Variants in KIRREL3 observed in about 807,000 individuals in gnomAD.
The protein encoded by KIRREL3 is kin of IRRE-like protein 3.
KIRREL3 carries 36 observed loss-of-function variants against 89.7 expected under a neutral mutation model. That is an observed-to-expected ratio of 0.40 (90% confidence interval 0.31 to 0.53). The LOEUF (loss-of-function observed/expected upper bound fraction) is 0.53. Among genes scored for constraint, KIRREL3 ranks in the 20% least tolerant of loss-of-function variants. KIRREL3 has a pLI of 0.49. For synonymous variants in KIRREL3, 445 were observed against 441.4 expected (o/e 1.01, Z -0.10); for missense variants, 864 against 1,056.6 (o/e 0.82, Z 2.53).
intron 1 of KIRREL3, among the ~76,000 whole-genome samples, chr11:126,809,886 C>T (rs1262567209): frequency 6.6e-6 from 1 of 152,216 alleles, no homozygotes; most frequent in African/African-American, 2.4e-5. Context: ...TTCTCACATC[C>T]AGTTAACTTG....
intron 1 of KIRREL3, among the ~76,000 whole-genome samples, chr11:126,730,848 C>T (rs1044663400): frequency 3.3e-5 from 5 of 152,162 alleles, no homozygotes; most frequent in African/African-American, 1.2e-4. Context: ...ACGCCATTCT[C>T]CTGCCTCAGC....
In KIRREL3 at chr11:126,442,271, AAC is replaced by A. The variant is rs1555104889; in HGVS notation, c.1253-1724_1253-1723del. On this transcript the variant is annotated intron_variant, in intron 10 of 16. Transcript: ENST00000525144. ...GCGAGACTCCAGCTCAAAAAAAAAAAACAAAAAAAAAACAAAAAACCCAACAT... is the reference window on the plus strand; with the variant it reads ...GCGAGACTCCAGCTCAAAAAAAAAAAAAAAAAAAAACAAAAAACCCAACAT... 6.8e-4 allele frequency among the ~76,000 whole-genome samples: 69 copies of A among 100,990 alleles called. 1 individual carries two copies. Among genetic ancestry groups the A allele is most frequent in the East Asian group, 2.0e-3 (8 of 3,952 alleles). The allele number at this position is 100,990 out of a possible 152,430, so 66.3% of individuals were successfully genotyped here. A position where few individuals can be genotyped will look rare whatever the true frequency, so the allele number is the denominator to read the frequency against.
chr11:127,000,345 G>T lies in KIRREL3; in HGVS notation c.55+110C>A. On this transcript the variant is annotated intron_variant, in intron 1 of 16. Transcript: ENST00000525144. This position sits in a 1 kb window ranked among gnomAD's most constrained non-coding sequence, Gnocchi z 7.1. The stretch of plus-strand genomic sequence containing the variant: ...GCATCTCAGCCCGGCACCGAGAGAC[G>T]CATCCATCAGTCCGAGTTCCCGAAG... 1 of 788,244 alleles carries T rather than the reference G, an allele frequency of 1.3e-6. No individual in the cohort carries two copies. The highest frequency in any genetic ancestry group is 2.0e-6 in the Non-Finnish European group (1 of 492,754). The allele number at this position is 788,244 out of a possible 1,614,324, so 48.8% of individuals were successfully genotyped here. A position where few individuals can be genotyped will look rare whatever the true frequency, so the allele number is the denominator to read the frequency against.
rs1957665083 is a variant in KIRREL3 at position 126,496,686 on chromosome 11, TC to T, written c.434-23221del. Among the ~76,000 whole-genome samples, 1 of 151,968 alleles carries T rather than the reference TC, an allele frequency of 6.6e-6. No individual in the cohort carries two copies. On this transcript the variant is annotated intron_variant, in intron 4 of 16. Transcript: ENST00000525144. This position sits in a 1 kb window ranked among gnomAD's most constrained non-coding sequence, Gnocchi z 4.9. ...AAGAGACTGAGGGCTACTCTTGGCT[TC>T]TTGTATCTGCCAAAACCCAAACAGA...
At chr11:126,445,762 C>A (rs1471336032) in intron 9 of KIRREL3, among the ~76,000 whole-genome samples, 1 of 152,182 alleles carries the variant, frequency 6.6e-6, no homozygotes, top group Admixed American at 6.5e-5. Flanking sequence ...CCTTCTGGTC[C>A]CCCTGCTTCC....
At chr11:126,512,055 T>C (rs1335398128) in intron 4 of KIRREL3, among the ~76,000 whole-genome samples, 1 of 152,166 alleles carries the variant, frequency 6.6e-6, no homozygotes, top group African/African-American at 2.4e-5. Context: ...CCTCCCTCAG[T>C]TGGCTCTGGC....
At position 126,946,571 on chromosome 11, in the gene KIRREL3, T is replaced by C. The variant is rs191797024; in HGVS notation, c.55+53884A>G. 2.2e-4 allele frequency among the ~76,000 whole-genome samples: 34 copies of C among 152,348 alleles called. No homozygotes were observed. Among genetic ancestry groups the C allele is most frequent in the Non-Finnish European group, 1.5e-5 (1 of 68,044 alleles). On this transcript the variant is annotated intron_variant, in intron 1 of 16. Coordinates refer to ENST00000525144, the MANE Select transcript of KIRREL3 (RefSeq NM_032531.4). The surrounding 1 kb of genome is among the most constrained non-coding windows in gnomAD (Gnocchi z 4.1). ...TTATTTGATTCATTTATTTAACATA[T>C]CTTGAGAACATGTTTTATGTCAGTT...
At chr11:126,707,693 C>T (rs1201342431) in intron 1 of KIRREL3, among the ~76,000 whole-genome samples, 1 of 152,202 alleles carries the variant, frequency 6.6e-6, no homozygotes, top group East Asian at 1.9e-4. Flanking sequence ...TTTAAATTCT[C>T]ATCTAACTCA....
At chr11:126,595,917 A>G (rs1027067922) in intron 1 of KIRREL3, among the ~76,000 whole-genome samples, 1 of 152,228 alleles carries the variant, frequency 6.6e-6, no homozygotes, top group Non-Finnish European at 1.5e-5. Flanking sequence ...GTCTATGGTC[A>G]TAAAGAATTG....
intron 1 of KIRREL3, among the ~76,000 whole-genome samples, chr11:126,792,149 C>A (rs1355014983): frequency 6.6e-6 from 1 of 152,084 alleles, no homozygotes; most frequent in Non-Finnish European, 1.5e-5. Context: ...GATAGGTGGG[C>A]CAGGAATCAG....
chr11:126,680,717 C>T (rs1215290928), intron 1 of KIRREL3, among the ~76,000 whole-genome samples: 7 of 147,004 alleles, frequency 4.8e-5, no homozygotes, highest in African/African-American at 1.5e-4. Context: ...AAGCAGCCAA[C>T]AGAGGAGATA....
intron 11 of KIRREL3, among the ~76,000 whole-genome samples, chr11:126,438,000 C>A (rs538884772): frequency 2.0e-5 from 3 of 152,344 alleles, no homozygotes; most frequent in Admixed American, 2.0e-4. Context: ...CACATGTACA[C>A]AATCCACAAA....
rs554779759 is a variant in KIRREL3 at position 126,932,149 on chromosome 11, C to T, written c.55+68306G>A. 7.9e-5 allele frequency among the ~76,000 whole-genome samples: 12 copies of T among 152,312 alleles called. No individual in the cohort carries two copies. In the South Asian group the frequency reaches 1.0e-3, roughly 13 times the overall value. On this transcript the variant is annotated intron_variant, in intron 1 of 16. Coordinates refer to ENST00000525144, the MANE Select transcript of KIRREL3 (RefSeq NM_032531.4). Reference sequence around the variant, plus strand: ...TCATCAAGAATCCCCTCTGCTGACACTCCTATCCTGATTCTCAAACAGCCT... The same window carrying T: ...TCATCAAGAATCCCCTCTGCTGACATTCCTATCCTGATTCTCAAACAGCCT...
chr11:126,490,286 C>T lies in KIRREL3; in HGVS notation c.434-16820G>A, dbSNP rs543433553. Reference sequence around the variant, plus strand: ...TTTCTGTGTATGTTTATTTTAGACTCCCATTAGCATTAATTTGCATTCACT... The same window carrying T: ...TTTCTGTGTATGTTTATTTTAGACTTCCATTAGCATTAATTTGCATTCACT... On this transcript the variant is annotated intron_variant, in intron 4 of 16. Transcript: ENST00000525144. This position sits in a 1 kb window ranked among gnomAD's most constrained non-coding sequence, Gnocchi z 4.2. Among the ~76,000 whole-genome samples, 42 of 152,166 alleles carry T rather than the reference C, an allele frequency of 2.8e-4. No homozygotes were observed. The highest frequency in any genetic ancestry group is 9.9e-4 in the African/African-American group (41 of 41,506).
Position 126,562,970 on chromosome 11 carries a change from G to A in KIRREL3, c.56-58C>T, listed in dbSNP as rs368481966. 109 of 1,349,842 alleles carry A rather than the reference G, an allele frequency of 8.1e-5. No homozygotes were observed. The African/African-American group carries it at 1.5e-3, about 18-fold the overall frequency. The allele number at this position is 1,349,842 out of a possible 1,614,324, so 83.6% of individuals were successfully genotyped here. ...ATGGGAACAGGTCAGGCATTGTTGG[G>A]GGGCCCTCTGCAGGGGGCTGTGGAG... On this transcript the variant is annotated intron_variant, in intron 1 of 16. Coordinates refer to ENST00000525144, the MANE Select transcript of KIRREL3 (RefSeq NM_032531.4). This position sits in a 1 kb window ranked among gnomAD's most constrained non-coding sequence, Gnocchi z 4.7.
At position 126,789,429 on chromosome 11, in the gene KIRREL3, A is replaced by G. The variant is rs146519501; in HGVS notation, c.55+211026T>C. ...CCTTCACTCCTGAAATCTCCCCTGG[A>G]CCTCACACTCTGTTCTGGCTGCCAT... On this transcript the variant is annotated intron_variant, in intron 1 of 16. Transcript: ENST00000525144. Among the ~76,000 whole-genome samples, 885 of 152,022 alleles carry G rather than the reference A, an allele frequency of 5.8e-3. 5 individuals carry two copies. Among genetic ancestry groups the G allele is most frequent in the African/African-American group, 0.019 (803 of 41,450 alleles).
In KIRREL3 at chr11:126,709,550, G is replaced by C. The variant is rs1947675142; in HGVS notation, c.56-146638C>G. ...TATTTGGAGATAGGGTCTTTAAAAAGGTGATTAAGTTAAAATGAGGTCATT... is the reference window on the plus strand; with the variant it reads ...TATTTGGAGATAGGGTCTTTAAAAACGTGATTAAGTTAAAATGAGGTCATT... On this transcript the variant is annotated intron_variant, in intron 1 of 16. Transcript: ENST00000525144. The surrounding 1 kb of genome is among the most constrained non-coding windows in gnomAD (Gnocchi z 4.0). Among the ~76,000 whole-genome samples, 1 of 152,106 alleles carries C rather than the reference G, an allele frequency of 6.6e-6. No homozygotes were observed. Among genetic ancestry groups the C allele is most frequent in the Non-Finnish European group, 1.5e-5 (1 of 68,016 alleles).
chr11:126,872,099 A>G lies in KIRREL3; in HGVS notation c.55+128356T>C, dbSNP rs1353069476. On this transcript the variant is annotated intron_variant, in intron 1 of 16. Coordinates refer to ENST00000525144, the MANE Select transcript of KIRREL3 (RefSeq NM_032531.4). The surrounding 1 kb of genome is among the most constrained non-coding windows in gnomAD (Gnocchi z 4.2). Reference sequence around the variant, plus strand: ...TGCTGATTGGAGCAGGATCTGGTAGAAACAAGGTGCAGTGAACAAGCTGGC... The same window carrying G: ...TGCTGATTGGAGCAGGATCTGGTAGGAACAAGGTGCAGTGAACAAGCTGGC... 2.6e-5 allele frequency among the ~76,000 whole-genome samples: 4 copies of G among 152,220 alleles called. No individual in the cohort carries two copies. Among genetic ancestry groups the G allele is most frequent in the African/African-American group, 9.6e-5 (4 of 41,456 alleles).
intron 1 of KIRREL3, among the ~76,000 whole-genome samples, chr11:126,975,365 T>G (rs1369743685): frequency 6.6e-6 from 1 of 152,120 alleles, no homozygotes; most frequent in Non-Finnish European, 1.5e-5. Context: ...CCCACTTACT[T>G]CATGTTCACA....
Sources: allele counts gnomAD v4.1 joint callset (sites outside exome capture counted in the v4.1 genomes callset), GRCh38; gene constraint gnomAD v4.1.1; non-coding constraint Gnocchi (gnomAD v3.1); transcripts MANE v1.5; gene names NCBI Gene and HGNC (gene_info 2026-07-23, HGNC 2026-07-21).